The following SNX29 variants were observed in gnomAD, a reference collection of about 807,000 sequenced individuals.
The protein encoded by SNX29 is sorting nexin-29.
SNX29 carries 78 observed loss-of-function variants against 102.1 expected under a neutral mutation model. The observed-to-expected ratio is 0.76, with a 90% CI of 0.64 to 0.92. The LOEUF is 0.92. Among genes scored for constraint, SNX29 ranks in the 40% least tolerant of loss-of-function variants. The pLI, the probability that SNX29 is intolerant of heterozygous loss-of-function variation, is 0.00. For synonymous variants in SNX29, 580 were observed against 414.5 expected, an observed-to-expected ratio of 1.40 and a Z score of -4.85; for missense variants, 1,280 against 1,061.7, an observed-to-expected ratio of 1.21 and a Z score of -2.86.
intron 3 of SNX29, among the ~76,000 whole-genome samples, chr16:12,014,987 G>A (rs774323124): frequency 5.9e-5 from 9 of 151,712 alleles, no homozygotes; most frequent in Non-Finnish European, 1.2e-4. Flanking sequence ...TTGGGGGAGA[G>A]GGGGAGGGTC....
At chr16:12,354,250 G>T (rs1046965833) in intron 15 of SNX29, among the ~76,000 whole-genome samples, 6 of 152,178 alleles carry the variant, frequency 3.9e-5, no homozygotes, top group Non-Finnish European at 8.8e-5. Context: ...AGTTTCAGAG[G>T]TTAGCTTAGT....
At chr16:12,221,679 G>A (rs2077481897) in intron 14 of SNX29, among the ~76,000 whole-genome samples, 1 of 152,166 alleles carries the variant, frequency 6.6e-6, no homozygotes, top group African/African-American at 2.4e-5. Flanking sequence ...CAGCAACTTG[G>A]GTTTAACTTT....
chr16:12,498,945 G>T (rs1016663357), intron 19 of SNX29, among the ~76,000 whole-genome samples: 1 of 152,144 alleles, frequency 6.6e-6, no homozygotes, highest in Non-Finnish European at 1.5e-5. Context: ...TAGCAGAAGG[G>T]GCTTTGTATG....
At chr16:12,555,015 GGA>G (rs2078239467) in intron 20 of SNX29, among the ~76,000 whole-genome samples, 1 of 152,056 alleles carries the variant, frequency 6.6e-6, no homozygotes, top group Non-Finnish European at 1.5e-5. Flanking sequence ...GAGGCAGGCA[GGA>G]GTGTGCCTGC....
At chr16:12,083,584 C>G (rs905307323) in intron 11 of SNX29, among the ~76,000 whole-genome samples, 1 of 152,152 alleles carries the variant, frequency 6.6e-6, no homozygotes, top group South Asian at 2.1e-4. Context: ...CATATAAACT[C>G]CGATTGGGAG....
chr16:12,273,473 C>T (rs1184824571), intron 14 of SNX29, among the ~76,000 whole-genome samples: 2 of 151,904 alleles, frequency 1.3e-5, no homozygotes, highest in Non-Finnish European at 2.9e-5. Flanking sequence ...ATTGTCATGC[C>T]TCAGCCTCCC....
chr16:12,523,041 G>A (rs1250943344), intron 19 of SNX29, among the ~76,000 whole-genome samples: 2 of 152,108 alleles, frequency 1.3e-5, no homozygotes, highest in Non-Finnish European at 1.5e-5. Flanking sequence ...CAAACTCCTG[G>A]GCTCAAGCGA....
chr16:12,513,044 T>C (rs2089702234), intron 19 of SNX29, among the ~76,000 whole-genome samples: 1 of 152,110 alleles, frequency 6.6e-6, no homozygotes, highest in Admixed American at 6.5e-5. Flanking sequence ...CAGAGGCTTA[T>C]GGGAGGGGAG....
At chr16:12,514,938 AAG>A (rs1209848842) in intron 19 of SNX29, among the ~76,000 whole-genome samples, 9 of 144,092 alleles carry the variant, frequency 6.2e-5, no homozygotes, top group African/African-American at 1.3e-4. Flanking sequence ...GAAAGAAAGA[AAG>A]AGAGAAAGAA....
chr16:12,012,387 CAGTT>C (rs1360567442), intron 3 of SNX29, among the ~76,000 whole-genome samples: 19 of 152,152 alleles, frequency 1.2e-4, no homozygotes, highest in Non-Finnish European at 1.8e-4. Flanking sequence ...GGAATGCCAT[CAGTT>C]AGGGCAGTAT....
At chr16:12,318,648 G>A (rs1006074270) in intron 15 of SNX29, among the ~76,000 whole-genome samples, 2 of 152,140 alleles carry the variant, frequency 1.3e-5, no homozygotes, top group African/African-American at 4.8e-5. Flanking sequence ...CGAGGGTTGC[G>A]CTGCTTGTTC....
chr16:12,359,851 T>C (rs1473475928), intron 16 of SNX29, among the ~76,000 whole-genome samples: 2 of 152,222 alleles, frequency 1.3e-5, no homozygotes, highest in African/African-American at 4.8e-5. Flanking sequence ...TGAGACTGAA[T>C]CATGCTGTAT....
intron 20 of SNX29, among the ~76,000 whole-genome samples, chr16:12,537,668 T>C (rs1000190630): frequency 6.6e-6 from 1 of 152,230 alleles, no homozygotes; most frequent in Non-Finnish European, 1.5e-5. Flanking sequence ...CTACTTCATG[T>C]CTTTTTTAAA....
chr16:12,169,090 T>C (rs1336987968), intron 13 of SNX29, among the ~76,000 whole-genome samples: 1 of 152,264 alleles, frequency 6.6e-6, no homozygotes, highest in Admixed American at 6.5e-5. Context: ...GATGCAGTGT[T>C]CTACGATAAC....
Position 12,075,521 on chromosome 16 carries a change from G to A in SNX29, c.1320-3312G>A, listed in dbSNP as rs557287288. Among the ~76,000 whole-genome samples, 6 of 152,296 alleles carry A rather than the reference G, an allele frequency of 3.9e-5. No homozygotes were observed. The South Asian group carries it at 1.2e-3, about 32-fold the overall frequency. ...ATGCTGCTGTCTGATCGTTCCTCTG[G>A]AAGTTTTGTCTCAGAGGAGTACCCA... On this transcript the variant is annotated intron_variant, in intron 10 of 20. Transcript: ENST00000566228.
intron 18 of SNX29, among the ~76,000 whole-genome samples, chr16:12,407,283 G>A (rs2084204413): frequency 6.6e-6 from 1 of 151,926 alleles, no homozygotes; most frequent in African/African-American, 2.4e-5. Context: ...AGCAAGGCTG[G>A]GGTCATTGCC....
chr16:12,213,281 G>A (rs2077235909), intron 14 of SNX29, among the ~76,000 whole-genome samples: 1 of 152,124 alleles, frequency 6.6e-6, no homozygotes, highest in African/African-American at 2.4e-5. Context: ...CCAAGCTGTG[G>A]GCACACAGGG....
intron 15 of SNX29, among the ~76,000 whole-genome samples, chr16:12,324,722 G>A (rs2081065370): frequency 6.6e-6 from 1 of 152,018 alleles, no homozygotes; most frequent in Admixed American, 6.6e-5. Context: ...CCATCTCCTA[G>A]TCCCTTTGAT....
At chr16:12,568,482 C>A (rs370765577) in intron 20 of SNX29, 24 bp from the exon 21 acceptor site, 3 of 1,607,856 alleles carry the variant, frequency 1.9e-6, no homozygotes, top group South Asian at 1.1e-5. Context: ...CAGACTTAAC[C>A]CGATTCTCTC....
Sources: allele counts gnomAD v4.1 joint callset (sites outside exome capture counted in the v4.1 genomes callset), GRCh38; gene constraint gnomAD v4.1.1; transcripts MANE v1.5; gene names NCBI Gene and HGNC (gene_info 2026-07-23, HGNC 2026-07-21).